Variants in CFDP1 observed in about 807,000 individuals in gnomAD.
CFDP1 encodes chromatin remodeling protein CFDP1, also known as heterochromatin-stabilizing protein CFDP1.
Under a neutral mutation model 40.1 loss-of-function variants are expected in CFDP1, and 31 were observed. The observed-to-expected ratio is 0.77, with a 90% CI of 0.58 to 1.04. The LOEUF is 1.04. Ranked by LOEUF, CFDP1 falls within the 50% of genes least tolerant of loss-of-function variation. The probability of loss-of-function intolerance (pLI) is 0.00; values close to 1 mark genes in which losing one functional copy is unlikely to be tolerated. For missense variants in CFDP1, 423 were observed against 343.4 expected (o/e 1.23, Z -1.83); for synonymous variants, 167 against 120.0 (o/e 1.39, Z -2.56).
At chr16:75,297,149 T>C (rs2151496811) in intron 6 of CFDP1, among the ~76,000 whole-genome samples, 1 of 133,168 alleles carries the variant, frequency 7.5e-6, no homozygotes, top group Non-Finnish European at 1.7e-5. Flanking sequence ...CCATTTCTTG[T>C]GTGTGTGTGT....
intron 5 of CFDP1, among the ~76,000 whole-genome samples, chr16:75,306,118 C>T (rs541472362): frequency 2.0e-3 from 305 of 152,288 alleles, no homozygotes; most frequent in Middle Eastern, 6.8e-3. Flanking sequence ...AGTTATTTTC[C>T]GCCTCACGGG....
intron 5 of CFDP1, among the ~76,000 whole-genome samples, chr16:75,312,715 C>CTCAGCTGACTGTCAGGGAGCTCAGAGG (rs2078301649): frequency 6.6e-6 from 1 of 152,172 alleles, no homozygotes; most frequent in African/African-American, 2.4e-5. Flanking sequence ...GTGTTTTGCC[C>CTCAGCTGACTGTCAGGGAGCTCAGAGG]TGTTCTGGCC....
At chr16:75,303,400 A>AATAAATGTATGTATGTATGTATGT (rs745774792) in intron 6 of CFDP1, among the ~76,000 whole-genome samples, 10 of 146,168 alleles carry the variant, frequency 6.8e-5, no homozygotes, top group South Asian at 2.1e-4. Flanking sequence ...TAAATAAATA[A>AATAAATGTATGTATGTATGTATGT]ATGTATGTAT....
intron 5 of CFDP1, among the ~76,000 whole-genome samples, chr16:75,348,197 C>G (rs990741910): frequency 6.6e-5 from 10 of 152,124 alleles, no homozygotes; most frequent in Non-Finnish European, 1.5e-4. Context: ...CAGGAGTGAT[C>G]ACAGCACACT....
At chr16:75,427,003 C>A (rs1309707813) in intron 1 of CFDP1, among the ~76,000 whole-genome samples, 1 of 147,154 alleles carries the variant, frequency 6.8e-6, no homozygotes, top group Non-Finnish European at 1.5e-5. Context: ...TGTGGTGAGC[C>A]AAGATTATGC....
intron 1 of CFDP1, among the ~76,000 whole-genome samples, chr16:75,421,799 G>A (rs1004451317): frequency 2.6e-5 from 4 of 152,010 alleles, no homozygotes; most frequent in South Asian, 2.1e-4. Context: ...AAAAATCCTC[G>A]ACAAAATACG....
intron 4 of CFDP1, 104 bp from the exon 5 acceptor site, chr16:75,395,313 A>G: frequency 8.2e-7 from 1 of 1,213,966 alleles, no homozygotes; most frequent in Middle Eastern, 2.0e-4. Context: ...CTCGGCTTCC[A>G]ATAAATTCTG....
Position 75,393,781 on chromosome 16 carries a change from C to T in CFDP1, c.650+1309G>A, listed in dbSNP as rs531415260. 2.6e-4 allele frequency among the ~76,000 whole-genome samples: 35 copies of T among 134,354 alleles called. 1 individual carries two copies. Among genetic ancestry groups the T allele is most frequent in the Non-Finnish European group, 3.6e-4 (23 of 64,260 alleles). 88.1% of individuals were successfully genotyped at this position (134,354 alleles called of 152,430 possible). ...AAAAAAAAAAAAAAAAAAGTGGGGCCGGGCCCGGTGGCTCACGCCTGTAAT... is the reference window on the plus strand; with the variant it reads ...AAAAAAAAAAAAAAAAAAGTGGGGCTGGGCCCGGTGGCTCACGCCTGTAAT... On this transcript the variant is annotated intron_variant, in intron 5 of 6. Transcript: ENST00000283882.
At chr16:75,355,094 C>A (rs1204279486) in intron 5 of CFDP1, among the ~76,000 whole-genome samples, 3 of 152,200 alleles carry the variant, frequency 2.0e-5, no homozygotes, top group Non-Finnish European at 4.4e-5. Context: ...ATGTACAGAT[C>A]TTCATTTTAA....
chr16:75,310,263 C>G (rs1401014720), intron 5 of CFDP1, among the ~76,000 whole-genome samples: 1 of 152,198 alleles, frequency 6.6e-6, no homozygotes, highest in Non-Finnish European at 1.5e-5. Flanking sequence ...GCAGCTCATA[C>G]TGGTGAAAGA....
At chr16:75,388,665 G>T (rs973779817) in intron 5 of CFDP1, among the ~76,000 whole-genome samples, 2 of 152,162 alleles carry the variant, frequency 1.3e-5, no homozygotes, top group East Asian at 3.8e-4. Context: ...GCCAAATGAG[G>T]AGACTGGGAG....
intron 5 of CFDP1, among the ~76,000 whole-genome samples, chr16:75,358,898 A>C (rs1274227599): frequency 6.6e-6 from 1 of 152,154 alleles, no homozygotes; most frequent in Non-Finnish European, 1.5e-5. Flanking sequence ...GTCTAATGAA[A>C]TCAGTCAACG....
intron 1 of CFDP1, among the ~76,000 whole-genome samples, chr16:75,417,599 G>A (rs528558772): frequency 1.3e-5 from 2 of 152,254 alleles, no homozygotes; most frequent in African/African-American, 2.4e-5. Flanking sequence ...AATGAAAACA[G>A]CTCCTTATAA....
intron 4 of CFDP1, among the ~76,000 whole-genome samples, chr16:75,400,353 T>C (rs1189770004): frequency 1.3e-5 from 2 of 152,120 alleles, no homozygotes; most frequent in Non-Finnish European, 2.9e-5. Context: ...TTGGTTTTTG[T>C]TTTCTCTGAT....
At chr16:75,379,486 G>C (rs1466554234) in intron 5 of CFDP1, among the ~76,000 whole-genome samples, 1 of 152,032 alleles carries the variant, frequency 6.6e-6, no homozygotes, top group Non-Finnish European at 1.5e-5. Context: ...CCTCAAAAAA[G>C]ACAAACCACA....
intron 5 of CFDP1, among the ~76,000 whole-genome samples, chr16:75,386,852 C>T (rs4888396): frequency 0.66 from 99,702 of 152,138 alleles, 34,739 homozygotes; most frequent in Non-Finnish European, 0.78. Flanking sequence ...CTAGACTCTC[C>T]ATTCATACTT....
intron 4 of CFDP1, among the ~76,000 whole-genome samples, chr16:75,404,575 G>C (rs1330450454): frequency 6.6e-6 from 1 of 152,022 alleles, no homozygotes; most frequent in African/African-American, 2.4e-5. Context: ...TCAATGCTGA[G>C]TCTCTTGATG....
At position 75,374,317 on chromosome 16, in the gene CFDP1, T is replaced by C. The variant is rs775336374; in HGVS notation, c.650+20773A>G. On this transcript the variant is annotated intron_variant, in intron 5 of 6. Coordinates refer to ENST00000283882, the MANE Select transcript of CFDP1 (RefSeq NM_006324.3). ...CATTAACAAGAATCAGATAAATGTA[T>C]AGGCAATAAGATGAAATATGTTAGT... is the stretch of plus-strand genomic sequence containing the variant. Among the ~76,000 whole-genome samples, 4 of 152,124 alleles carry C rather than the reference T, an allele frequency of 2.6e-5. No individual in the cohort carries two copies. In the East Asian group the frequency reaches 5.8e-4, roughly 22 times the overall value.
chr16:75,378,252 T>C (rs1016854476), intron 5 of CFDP1, among the ~76,000 whole-genome samples: 2 of 136,784 alleles, frequency 1.5e-5, no homozygotes, highest in East Asian at 4.2e-4. Context: ...AATTGCAAAA[T>C]AGGTCTTGTG....
Sources: allele counts gnomAD v4.1 joint callset (sites outside exome capture counted in the v4.1 genomes callset), GRCh38; gene constraint gnomAD v4.1.1; transcripts MANE v1.5; gene names NCBI Gene and HGNC (gene_info 2026-07-23, HGNC 2026-07-21).